The following ST6GAL1 variants were observed in gnomAD, a reference collection of about 807,000 sequenced individuals.
ST6GAL1 encodes the protein ST6 beta-galactoside alpha-2,6-sialyltransferase 1.
Under a neutral mutation model 38.0 loss-of-function variants are expected in ST6GAL1, and 20 were observed. That is an observed-to-expected ratio of 0.53 (90% confidence interval 0.37 to 0.77). The LOEUF is 0.77. Ranked by LOEUF, ST6GAL1 falls within the 30% of genes least tolerant of loss-of-function variation. The pLI is 0.00. For synonymous variants in ST6GAL1, 196 were observed against 188.2 expected, an observed-to-expected ratio of 1.04 and a Z score of -0.34; for missense variants, 432 against 496.4, an observed-to-expected ratio of 0.87 and a Z score of 1.23.
At chr3:187,058,324 G>A (rs1718789711) in intron 5 of ST6GAL1, among the ~76,000 whole-genome samples, 1 of 152,170 alleles carries the variant, frequency 6.6e-6, no homozygotes, top group African/African-American at 2.4e-5. Context: ...CAGTCCCAAT[G>A]ATATGAACCA....
intron 4 of ST6GAL1, among the ~76,000 whole-genome samples, chr3:187,047,173 C>CTGATCTCA (rs1275822411): frequency 6.6e-6 from 1 of 151,748 alleles, no homozygotes; most frequent in Non-Finnish European, 1.5e-5. Context: ...TCTCGATCTC[C>CTGATCTCA]TGATCTCATG....
At chr3:186,984,145 CTCT>C (rs1715784565) in intron 2 of ST6GAL1, among the ~76,000 whole-genome samples, 24 of 152,304 alleles carry the variant, frequency 1.6e-4, no homozygotes, top group Admixed American at 1.3e-3. Context: ...ACTCTTCTCT[CTCT>C]CACACTCACA....
At chr3:186,995,520 AAT>A (rs371027767) in intron 2 of ST6GAL1, among the ~76,000 whole-genome samples, 1,562 of 40,640 alleles carry the variant, frequency 0.038, 75 homozygotes, top group African/African-American at 0.1. Flanking sequence ...AAAAAATAAT[AAT>A]AAAATAAAAA....
chr3:186,999,021 A>T (rs756634658), intron 2 of ST6GAL1, among the ~76,000 whole-genome samples: 7 of 152,228 alleles, frequency 4.6e-5, no homozygotes, highest in Non-Finnish European at 1.0e-4. Flanking sequence ...TCCTCTTCCC[A>T]CTGTGGCCAA....
intron 2 of ST6GAL1, among the ~76,000 whole-genome samples, chr3:186,966,611 G>A (rs1234508399): frequency 3.9e-5 from 6 of 152,230 alleles, no homozygotes; most frequent in Non-Finnish European, 2.9e-5. Context: ...AGCTCAAAGT[G>A]CTTGGAGCTT....
intron 1 of ST6GAL1, among the ~76,000 whole-genome samples, chr3:186,959,456 T>A (rs2108525107): frequency 1.3e-5 from 2 of 152,298 alleles, no homozygotes; most frequent in South Asian, 4.1e-4. Context: ...TTCATAGGCT[T>A]GTGTGAAGAA....
chr3:186,946,628 G>T (rs1714380708), intron 1 of ST6GAL1, among the ~76,000 whole-genome samples: 1 of 152,150 alleles, frequency 6.6e-6, no homozygotes, highest in Admixed American at 6.5e-5. Context: ...TCCATATACA[G>T]ATATAGAGAC....
chr3:186,986,977 A>T (rs1271111668), intron 2 of ST6GAL1, among the ~76,000 whole-genome samples: 1 of 23,462 alleles, frequency 4.3e-5, no homozygotes, highest in African/African-American at 1.7e-4. Context: ...CTTTCCTTTT[A>T]AAAAAAAGTG....
At chr3:187,020,459 ACATCT>A (rs1717259520) in intron 2 of ST6GAL1, among the ~76,000 whole-genome samples, 1 of 152,222 alleles carries the variant, frequency 6.6e-6, no homozygotes, top group Admixed American at 6.5e-5. Context: ...AAATTTGGTA[ACATCT>A]ATAAGACCTG....
chr3:187,076,272 G>A lies in ST6GAL1; in HGVS notation c.*469G>A, dbSNP rs1445893159. The A allele has an allele frequency of 5.8e-6, 1 of 171,202 alleles. No homozygotes were observed. Among genetic ancestry groups the A allele is most frequent in the African/African-American group, 2.4e-5 (1 of 41,776 alleles). The allele number at this position is 171,202 out of a possible 1,614,324, so 10.6% of individuals were successfully genotyped here. On this transcript the variant is annotated 3_prime_UTR_variant, in exon 8 of 8. Coordinates refer to ENST00000169298, the MANE Select transcript of ST6GAL1 (RefSeq NM_173216.2). ...AATGCAGGGTGGCTCTGGGGGGCAA[G>A]TAGGTGGTACAGGGGATTGGAAACA...
intron 2 of ST6GAL1, chr3:187,024,953 A>G (rs1251577179): frequency 6.6e-6 from 1 of 151,028 alleles, no homozygotes; most frequent in Non-Finnish European, 1.5e-5. Context: ...TTGAATTATT[A>G]TTTATATTCA....
At chr3:187,017,749 AGATT>A (rs1234193350) in intron 2 of ST6GAL1, among the ~76,000 whole-genome samples, 3 of 152,220 alleles carry the variant, frequency 2.0e-5, no homozygotes, top group African/African-American at 7.2e-5. Flanking sequence ...CCTCCTGCCC[AGATT>A]GATAACACGA....
intron 2 of ST6GAL1, among the ~76,000 whole-genome samples, chr3:186,977,174 C>T (rs1042379828): frequency 2.0e-5 from 3 of 152,220 alleles, no homozygotes; most frequent in African/African-American, 7.2e-5. Context: ...TCTCTGAAGC[C>T]TTCTGCTGAA....
rs765387130 is a variant in ST6GAL1, at chr3:187,042,776, G to A, written c.73G>A (p.Val25Met). 2.5e-6 allele frequency: 4 copies of A among 1,614,088 alleles called. No individual in the cohort carries two copies. The highest frequency in any genetic ancestry group is 3.4e-6 in the Non-Finnish European group (4 of 1,180,036). The change falls in exon 4 of 8, where the codon GTG (valine) becomes ATG (methionine). Residue 25 changes from valine to methionine, a missense_variant. Physicochemically the swap from Val to Met is conservative, Grantham distance 21 (BLOSUM62 1). Coordinates refer to ENST00000169298, the MANE Select transcript of ST6GAL1 (RefSeq NM_173216.2). Reference protein sequence around the residue: ...LVFLLFAVICVWKEKKKGSYY... With the variant: ...LVFLLFAVICMWKEKKKGSYY... ...CTTTCTTCTGTTTGCAGTCATCTGT[G>A]TGTGGAAGGAAAAGAAGAAAGGGAG...
chr3:186,990,974 C>CG (rs146877066), intron 2 of ST6GAL1, among the ~76,000 whole-genome samples: 9,111 of 152,154 alleles, frequency 0.06, 413 homozygotes, highest in East Asian at 0.22. Flanking sequence ...ACCGCTGGGC[C>CG]GGGTTTCACA....
At chr3:187,043,341 G>C in intron 4 of ST6GAL1, 31 bp downstream of exon 4, 1 of 1,591,818 alleles carries the variant, frequency 6.3e-7, no homozygotes. Context: ...GTGAATGGCA[G>C]TGCTTATTGG....
chr3:187,025,064 G>A (rs928445235), intron 2 of ST6GAL1, among the ~76,000 whole-genome samples: 3 of 151,184 alleles, frequency 2.0e-5, no homozygotes, highest in Non-Finnish European at 4.4e-5. Flanking sequence ...GAGGGTCTAC[G>A]TTCTCAATTC....
chr3:187,047,102 C>T (rs992354904), intron 4 of ST6GAL1, among the ~76,000 whole-genome samples: 36 of 152,178 alleles, frequency 2.4e-4, no homozygotes, highest in African/African-American at 7.2e-4. Flanking sequence ...CCTGCCACCA[C>T]GCCTGGCTAA....
rs564634213 is a variant in ST6GAL1 at position 186,992,639 on chromosome 3, C to CA, written c.-183+28721dup. 1.6e-4 allele frequency among the ~76,000 whole-genome samples: 25 copies of CA among 151,874 alleles called. No homozygotes were observed. In the East Asian group the frequency reaches 1.7e-3, roughly 11 times the overall value. On this transcript the variant is annotated intron_variant, in intron 2 of 7. Transcript: ENST00000169298. The stretch of plus-strand genomic sequence containing the variant: ...TGAAACCCCGTCTCTACTAAAAATA[C>CA]AAAAAAAATTAGCTGCATGTGGTGG...
Sources: allele counts gnomAD v4.1 joint callset (sites outside exome capture counted in the v4.1 genomes callset), GRCh38; gene constraint gnomAD v4.1.1; transcripts MANE v1.5; gene names NCBI Gene and HGNC (gene_info 2026-07-23, HGNC 2026-07-21).